Variants in CDH18 observed in about 807,000 individuals in gnomAD.
CDH18 encodes the protein cadherin 18.
A neutral mutation model predicts 67.9 loss-of-function variants in CDH18; 31 were observed. That is an observed-to-expected ratio of 0.46 (90% CI 0.34 to 0.62). The LOEUF (loss-of-function observed/expected upper bound fraction) is 0.62, where lower values mean the gene tolerates loss of function less well. CDH18 is among the 20% of genes least tolerant of loss of function. The pLI is 0.01. For missense variants in CDH18, 890 were observed against 975.5 expected, an observed-to-expected ratio of 0.91 and a Z score of 1.17; for synonymous variants, 362 against 347.2, an observed-to-expected ratio of 1.04 and a Z score of -0.48.
chr5:19,709,962 C>T (rs1268155733), intron 5 of CDH18, among the ~76,000 whole-genome samples: 3 of 152,156 alleles, frequency 2.0e-5, no homozygotes, highest in African/African-American at 7.2e-5. Context: ...TTGTGAAACC[C>T]TGTCTCTACT....
chr5:19,828,382 C>T (rs1435727806), intron 3 of CDH18, among the ~76,000 whole-genome samples: 3 of 152,132 alleles, frequency 2.0e-5, no homozygotes, highest in Admixed American at 2.0e-4. Flanking sequence ...CCAGCATCAT[C>T]CTGATACAAA....
intron 1 of CDH18, among the ~76,000 whole-genome samples, chr5:20,535,278 T>C (rs1328423655): frequency 3.3e-5 from 5 of 152,126 alleles, no homozygotes; most frequent in Non-Finnish European, 4.4e-5. Context: ...TAGAAGTCAC[T>C]TTTATTCCTT....
At chr5:19,872,892 C>G (rs547627807) in intron 2 of CDH18, among the ~76,000 whole-genome samples, 1 of 152,252 alleles carries the variant, frequency 6.6e-6, no homozygotes, top group Admixed American at 6.5e-5. Flanking sequence ...CTTAATCTTT[C>G]CCAATGGTAT....
intron 2 of CDH18, among the ~76,000 whole-genome samples, chr5:19,898,001 T>C (rs537861799): frequency 6.6e-6 from 1 of 152,244 alleles, no homozygotes; most frequent in East Asian, 1.9e-4. Flanking sequence ...ACTTATGATA[T>C]GTATGCTTTT....
chr5:19,634,078 A>G (rs1331903599), intron 5 of CDH18, among the ~76,000 whole-genome samples: 1 of 152,234 alleles, frequency 6.6e-6, no homozygotes, highest in Non-Finnish European at 1.5e-5. Context: ...CAAATTCAAG[A>G]GAAATCCCTT....
intron 3 of CDH18, among the ~76,000 whole-genome samples, chr5:19,815,306 G>A (rs566334069): frequency 5.3e-5 from 8 of 151,972 alleles, no homozygotes; most frequent in South Asian, 2.1e-4. Flanking sequence ...CAGATGTCAC[G>A]TTTTGATATA....
intron 2 of CDH18, among the ~76,000 whole-genome samples, chr5:19,935,407 G>T (rs1294649251): frequency 6.6e-6 from 1 of 151,210 alleles, no homozygotes; most frequent in African/African-American, 2.4e-5. Context: ...ATAAGATTTT[G>T]CTATTAATAC....
At chr5:20,504,572 T>C (rs1273548798) in intron 1 of CDH18, among the ~76,000 whole-genome samples, 2 of 152,142 alleles carry the variant, frequency 1.3e-5, no homozygotes, top group African/African-American at 4.8e-5. Context: ...TTAGTACATA[T>C]AGAATCATGC....
intron 1 of CDH18, among the ~76,000 whole-genome samples, chr5:20,419,242 T>C (rs1747615885): frequency 6.6e-6 from 1 of 152,094 alleles, no homozygotes; most frequent in Non-Finnish European, 1.5e-5. Context: ...GCTATGATTC[T>C]GAGGCTGCCC....
At chr5:20,370,991 C>G (rs1010982799) in intron 1 of CDH18, among the ~76,000 whole-genome samples, 1 of 151,066 alleles carries the variant, frequency 6.6e-6, no homozygotes, top group Admixed American at 6.6e-5. Context: ...GAGCTGAGAT[C>G]GCACCATTGC....
At chr5:19,658,646 TTC>T (rs1295826252) in intron 5 of CDH18, among the ~76,000 whole-genome samples, 2 of 151,990 alleles carry the variant, frequency 1.3e-5, no homozygotes, top group African/African-American at 4.8e-5. Flanking sequence ...ACTTTTAAAC[TTC>T]TTTTTTTCTT....
chr5:19,665,092 G>T (rs2150326044), intron 5 of CDH18, among the ~76,000 whole-genome samples: 1 of 151,866 alleles, frequency 6.6e-6, no homozygotes, highest in African/African-American at 2.4e-5. Flanking sequence ...AACCGCAGAG[G>T]AATATCTGTT....
At chr5:20,434,165 A>G (rs1748987380) in intron 1 of CDH18, among the ~76,000 whole-genome samples, 1 of 152,066 alleles carries the variant, frequency 6.6e-6, no homozygotes, top group South Asian at 2.1e-4. Context: ...CCTACATCTG[A>G]TATTGTTACA....
At chr5:20,508,323 TTATATATATATATATATATATATATATA>T (rs55885279) in intron 1 of CDH18, among the ~76,000 whole-genome samples, 3 of 111,198 alleles carry the variant, frequency 2.7e-5, no homozygotes, top group Non-Finnish European at 3.7e-5. Context: ...ATGACTATGA[TTATATATATATATATATATATATATATA>T]TATATATATA....
At chr5:19,556,683 G>A (rs452207) in intron 8 of CDH18, among the ~76,000 whole-genome samples, 15,102 of 152,042 alleles carry the variant, frequency 0.099, 1,047 homozygotes, top group African/African-American at 0.19. Context: ...GAGAAATATA[G>A]GAGTTTGGAA....
At chr5:20,306,477 A>G (rs1736469839) in intron 1 of CDH18, among the ~76,000 whole-genome samples, 2 of 152,026 alleles carry the variant, frequency 1.3e-5, no homozygotes, top group Admixed American at 1.3e-4. Context: ...ATCCTTCCCT[A>G]TACTCTTGGC....
At chr5:19,567,695 T>G (rs1740667710) in intron 8 of CDH18, among the ~76,000 whole-genome samples, 1 of 152,180 alleles carries the variant, frequency 6.6e-6, no homozygotes, top group African/African-American at 2.4e-5. Context: ...CTATGGAGTC[T>G]AATTATTTTA....
intron 2 of CDH18, among the ~76,000 whole-genome samples, chr5:19,947,722 C>G (rs891306796): frequency 6.6e-6 from 1 of 151,242 alleles, no homozygotes; most frequent in Non-Finnish European, 1.5e-5. Flanking sequence ...GTGATGGCGC[C>G]ACTGCACTCT....
At chr5:20,413,237 G>C (rs1746954600) in intron 1 of CDH18, among the ~76,000 whole-genome samples, 1 of 152,162 alleles carries the variant, frequency 6.6e-6, no homozygotes, top group Admixed American at 6.5e-5. Flanking sequence ...TTGGTTCCAA[G>C]TCTTCACTAT....
Sources: allele counts gnomAD v4.1 joint callset (sites outside exome capture counted in the v4.1 genomes callset), GRCh38; gene constraint gnomAD v4.1.1; transcripts MANE v1.5; gene names NCBI Gene and HGNC (gene_info 2026-07-23, HGNC 2026-07-21).